Variants in TUFT1 observed in about 807,000 individuals in gnomAD.
TUFT1 encodes the protein tuftelin 1.
Under a neutral mutation model 57.8 loss-of-function variants are expected in TUFT1, and 43 were observed. The ratio of observed to expected loss-of-function variants is 0.74; its 90% CI spans 0.58 to 0.96. The LOEUF (loss-of-function observed/expected upper bound fraction) is 0.96, where lower values mean the gene tolerates loss of function less well. Among genes scored for constraint, TUFT1 ranks in the 40% least tolerant of loss-of-function variants. The probability of loss-of-function intolerance (pLI) is 0.00; values close to 1 mark genes in which losing one functional copy is unlikely to be tolerated. For missense variants in TUFT1, 459 were observed against 489.0 expected (o/e 0.94, Z 0.58); for synonymous variants, 166 against 176.7 (o/e 0.94, Z 0.48).
chr1:151,580,179 A>G lies in TUFT1; in HGVS notation c.1008+447A>G, dbSNP rs149517730. ...GCCCTACCTGTCTGTTGACTACCTG[A>G]AGATCACTTTGCGAACGCTCTGTGA... On this transcript the variant is annotated intron_variant, in intron 11 of 12. Coordinates refer to ENST00000368849, the MANE Select transcript of TUFT1 (RefSeq NM_020127.3). Among the ~76,000 whole-genome samples the G allele has an allele frequency of 7.6e-4, 116 of 152,320 alleles. 2 individuals are homozygous for G. In the East Asian group the frequency reaches 0.015, roughly 19 times the overall value.
At position 151,574,824 on chromosome 1, in the gene TUFT1, T is replaced by C. The variant is rs1302765008; in HGVS notation, c.724-87T>C. On this transcript the variant is annotated intron_variant, in intron 8 of 12. Coordinates refer to ENST00000368849, the MANE Select transcript of TUFT1 (RefSeq NM_020127.3). ...GCAGCTGTCCAGGCCCAGTAGGGGCTGAGTCCCAGCCTGGCGCCCATCTTA... is the reference window on the plus strand; with the variant it reads ...GCAGCTGTCCAGGCCCAGTAGGGGCCGAGTCCCAGCCTGGCGCCCATCTTA... The C allele has an allele frequency of 9.4e-6, 11 of 1,168,892 alleles. No homozygotes were observed. The East Asian group carries it at 2.6e-4, about 27-fold the overall frequency. 72.4% of individuals were successfully genotyped at this position (1,168,892 alleles called of 1,614,324 possible).
chr1:151,578,601 C>T (rs1666552632), intron 9 of TUFT1, 120 bp from the exon 10 acceptor site: 4 of 767,532 alleles, frequency 5.2e-6, no homozygotes, highest in Non-Finnish European at 8.3e-6. Flanking sequence ...AGCAGCCTAC[C>T]AGGGAATCAG....
At chr1:151,557,440 A>G (rs1322698635) in intron 1 of TUFT1, 1 of 1,221,180 alleles carries the variant, frequency 8.2e-7, no homozygotes, top group Non-Finnish European at 1.2e-6. Flanking sequence ...CCCTACAGCC[A>G]CCGAGATGTT....
Position 151,581,939 on chromosome 1 carries a change from G to A in TUFT1, c.*232G>A. ...CCCTTTGGAAGACATTGTCCTGCAA[G>A]CAGGAGCCAGGGCAATATCTATATT... On this transcript the variant is annotated 3_prime_UTR_variant, in exon 13 of 13. Coordinates refer to ENST00000368849, the MANE Select transcript of TUFT1 (RefSeq NM_020127.3). 5 of 617,082 alleles carry A rather than the reference G, an allele frequency of 8.1e-6. No individual in the cohort carries two copies. The South Asian group carries it at 9.3e-5, about 11-fold the overall frequency. 38.2% of individuals were successfully genotyped at this position (617,082 alleles called of 1,614,324 possible).
intron 1 of TUFT1, chr1:151,545,811 G>A (rs1325343362): frequency 1.9e-6 from 1 of 532,742 alleles, no homozygotes; most frequent in Non-Finnish European, 3.9e-6. Context: ...AGTAACCTTT[G>A]CTAGTCCTGA....
intron 7 of TUFT1, among the ~76,000 whole-genome samples, chr1:151,570,709 G>A (rs1666228297): frequency 1.3e-5 from 2 of 152,032 alleles, no homozygotes; most frequent in African/African-American, 4.8e-5. Context: ...TACATGGGCA[G>A]TTTTCTTTCT....
chr1:151,573,679 G>A (rs932181882), intron 7 of TUFT1, among the ~76,000 whole-genome samples: 14 of 152,198 alleles, frequency 9.2e-5, no homozygotes, highest in South Asian at 4.1e-4. Context: ...AGGAGGCAAA[G>A]GTTGCATTGA....
At chr1:151,546,200 CA>C (rs1214422755) in intron 1 of TUFT1, among the ~76,000 whole-genome samples, 2 of 151,924 alleles carry the variant, frequency 1.3e-5, no homozygotes, top group Non-Finnish European at 1.5e-5. Flanking sequence ...TTATCAGCTG[CA>C]ATCTGAAGAC....
Position 151,566,206 on chromosome 1 carries a change from C to T in TUFT1, c.458C>T (p.Ala153Val), listed in dbSNP as rs1299286264. The T allele has an allele frequency of 4.3e-6, 7 of 1,611,948 alleles. No homozygotes were observed. Residue 153 changes from alanine to valine, a missense_variant, in exon 6 of 13, where the codon GCC becomes GTC. By Grantham distance (64) the Ala-to-Val change is moderately conservative. Coordinates refer to ENST00000368849, the MANE Select transcript of TUFT1 (RefSeq NM_020127.3). ...KPNGFSQSPT[A>V]LYSSPPEVDT... ...AATGGCTTTAGTCAGAGTCCCACAG[C>T]CCTGTACAGCAGCCCACCTGAGGTA...
intron 5 of TUFT1, among the ~76,000 whole-genome samples, chr1:151,565,380 G>A (rs1020083546): frequency 2.0e-5 from 3 of 152,268 alleles, no homozygotes; most frequent in African/African-American, 7.2e-5. Flanking sequence ...TTTGGTTCAG[G>A]CAGAGTCTTG....
At chr1:151,564,437 C>A in intron 4 of TUFT1, 88 bp from the exon 5 acceptor site, 2 of 971,200 alleles carry the variant, frequency 2.1e-6, no homozygotes, top group Non-Finnish European at 3.2e-6. Context: ...ACTCGCAGTA[C>A]AGGCCAGGGA....
chr1:151,582,563 A>G lies in TUFT1; in HGVS notation c.*856A>G, dbSNP rs1666674857. On this transcript the variant is annotated 3_prime_UTR_variant, in exon 13 of 13. Coordinates refer to ENST00000368849, the MANE Select transcript of TUFT1 (RefSeq NM_020127.3). ...CTAAGTTATTGGTGGTTTTGCTTAC[A>G]TCTCATGATTGATATAATACCAAAG... 4.6e-6 allele frequency: 1 copy of G among 217,460 alleles called. No individual in the cohort carries two copies. 13.5% of individuals were successfully genotyped at this position (217,460 alleles called of 1,614,324 possible). A position where few individuals can be genotyped will look rare whatever the true frequency, so the allele number is the denominator to read the frequency against.
intron 1 of TUFT1, among the ~76,000 whole-genome samples, chr1:151,552,001 T>G (rs1665527376): frequency 6.6e-6 from 1 of 152,222 alleles, no homozygotes; most frequent in Non-Finnish European, 1.5e-5. Flanking sequence ...CATGTCCCCT[T>G]CTAATTACCA....
intron 1 of TUFT1, among the ~76,000 whole-genome samples, chr1:151,541,976 AGCTG>A (rs1488140921): frequency 6.6e-6 from 1 of 152,158 alleles, no homozygotes; most frequent in Non-Finnish European, 1.5e-5. Context: ...CCTCCTGAGT[AGCTG>A]GGACTTCAGA....
chr1:151,571,681 G>A (rs548566040), intron 7 of TUFT1, among the ~76,000 whole-genome samples: 1 of 152,248 alleles, frequency 6.6e-6, no homozygotes, highest in South Asian at 2.1e-4. Context: ...GCACTGACCA[G>A]GTTGTGAATT....
At chr1:151,554,696 T>C (rs6681801) in intron 1 of TUFT1, among the ~76,000 whole-genome samples, 7,349 of 27,588 alleles carry the variant, frequency 0.27, 558 homozygotes, top group East Asian at 0.36. Flanking sequence ...CCCGGCCCCC[T>C]TTTTTTTTTT....
intron 1 of TUFT1, among the ~76,000 whole-genome samples, chr1:151,548,305 C>CTTTTTTTTTTTTTTTTTT (rs11435666): frequency 7.7e-6 from 1 of 130,582 alleles, no homozygotes; most frequent in Non-Finnish European, 1.6e-5. Flanking sequence ...TTTTTCTTTT[C>CTTTTTTTTTTTTTTTTTT]TTTTTTTTTT....
intron 1 of TUFT1, among the ~76,000 whole-genome samples, chr1:151,543,982 C>A (rs923559925): frequency 1.0e-5 from 1 of 96,672 alleles, no homozygotes; most frequent in Non-Finnish European, 2.0e-5. Flanking sequence ...TTCTTTAAAT[C>A]ACTTTTTTTT....
At chr1:151,554,436 G>C (rs1665606619) in intron 1 of TUFT1, among the ~76,000 whole-genome samples, 1 of 152,144 alleles carries the variant, frequency 6.6e-6, no homozygotes, top group African/African-American at 2.4e-5. Flanking sequence ...GTCTTGCTCT[G>C]TTGCCCAGGT....
Sources: gnomAD v4.1 joint callset for allele counts (sites outside exome capture counted in the v4.1 genomes callset) on GRCh38, gnomAD v4.1.1 for gene constraint, MANE v1.5 for transcripts, NCBI Gene and HGNC (gene_info 2026-07-23, HGNC 2026-07-21) for gene names.